The following EFCAB6 variants were observed in gnomAD, a reference collection of about 807,000 sequenced individuals.
EFCAB6 encodes the protein EF-hand calcium-binding domain-containing protein 6.
A neutral mutation model predicts 169.8 loss-of-function variants in EFCAB6; 156 were observed. That is an observed-to-expected ratio of 0.92 (90% CI 0.81 to 1.05). The LOEUF is 1.05. Among genes scored for constraint, EFCAB6 ranks in the 50% least tolerant of loss-of-function variants. The pLI is 0.00. For synonymous variants in EFCAB6, 698 were observed against 676.4 expected (o/e 1.03, Z -0.50); for missense variants, 1,800 against 1,829.1 (o/e 0.98, Z 0.29).
chr22:43,771,943 T>G (rs1377443406), intron 4 of EFCAB6, among the ~76,000 whole-genome samples: 2 of 152,240 alleles, frequency 1.3e-5, no homozygotes, highest in African/African-American at 4.8e-5. Context: ...GATGCAGGCA[T>G]CCAAGCTTTC....
At chr22:43,574,550 T>A (rs1420185506) in intron 26 of EFCAB6, among the ~76,000 whole-genome samples, 1 of 152,058 alleles carries the variant, frequency 6.6e-6, no homozygotes, top group Admixed American at 6.5e-5. Context: ...ATCATCCCCA[T>A]CATCGTGGGG....
At chr22:43,695,346 A>C (rs964332049) in intron 10 of EFCAB6, among the ~76,000 whole-genome samples, 1 of 152,050 alleles carries the variant, frequency 6.6e-6, no homozygotes, top group Non-Finnish European at 1.5e-5. Context: ...TAGGAAAATT[A>C]AAGACAATTA....
chr22:43,600,601 T>C (rs1269878345), intron 22 of EFCAB6, among the ~76,000 whole-genome samples: 3 of 152,072 alleles, frequency 2.0e-5, no homozygotes, highest in Non-Finnish European at 2.9e-5. Context: ...AGAAACACAG[T>C]TGTGACTACA....
At chr22:43,784,609 ATG>A (rs375508858) in intron 2 of EFCAB6, among the ~76,000 whole-genome samples, 14,356 of 97,024 alleles carry the variant, frequency 0.15, 2,403 homozygotes, top group South Asian at 0.2. Context: ...ACACATATAT[ATG>A]TGTATATATA....
At chr22:43,675,322 CTATAATATATAATATAATATACTAT>C (rs2057683211) in intron 13 of EFCAB6, among the ~76,000 whole-genome samples, 2 of 33,748 alleles carry the variant, frequency 5.9e-5, no homozygotes, top group Non-Finnish European at 1.4e-4. Context: ...GTATATTATA[CTATAATATATAATATAATATACTAT>C]ATTATACTAT....
intron 17 of EFCAB6, among the ~76,000 whole-genome samples, chr22:43,666,828 G>C (rs2057283158): frequency 1.3e-5 from 2 of 151,100 alleles, no homozygotes; most frequent in Non-Finnish European, 1.5e-5. Context: ...ACAGTGCCAG[G>C]TATGCAGCAG....
In EFCAB6 at chr22:43,608,586, G is replaced by A. The variant is rs769807319; in HGVS notation, c.2577C>T (p.Thr859=). 5.6e-6 allele frequency: 9 copies of A among 1,613,860 alleles called. No individual in the cohort carries two copies. Among genetic ancestry groups the A allele is most frequent in the East Asian group, 4.5e-5 (2 of 44,890 alleles). Residue 859 remains threonine (T), a synonymous_variant, in exon 22 of 32, where the codon ACC becomes ACT. Coordinates refer to ENST00000262726, the MANE Select transcript of EFCAB6 (RefSeq NM_022785.4). ...WSDLSKNFLE[T]DNEGNGILRR... ...GAAGAATGCCATTGCCCTCATTATC[G>A]GTTTCTAGAAAATTCTACAACATCA...
chr22:43,632,456 C>T (rs1010425940), intron 18 of EFCAB6, among the ~76,000 whole-genome samples: 7 of 151,822 alleles, frequency 4.6e-5, no homozygotes, highest in Admixed American at 1.3e-4. Flanking sequence ...TCTGCCATCA[C>T]GCCTGGCTAA....
At chr22:43,692,334 G>C (rs957204426) in intron 10 of EFCAB6, among the ~76,000 whole-genome samples, 2 of 152,010 alleles carry the variant, frequency 1.3e-5, no homozygotes, top group African/African-American at 4.8e-5. Context: ...CAAATGTCCA[G>C]AATATATTAC....
intron 17 of EFCAB6, among the ~76,000 whole-genome samples, chr22:43,652,752 T>C (rs115796851): frequency 1.5e-3 from 219 of 144,742 alleles, no homozygotes; most frequent in African/African-American, 5.6e-3. Flanking sequence ...TAACCCAATA[T>C]CCAGAAAGAA....
rs1260744920 is a variant in EFCAB6 at position 43,675,467 on chromosome 22, T to TATAATAC, written c.1419+2528_1419+2529insGTATTAT. Among the ~76,000 whole-genome samples the TATAATAC allele has an allele frequency of 4.6e-3, 628 of 137,540 alleles. 10 individuals carry two copies. Among genetic ancestry groups the TATAATAC allele is most frequent in the African/African-American group, 0.017 (596 of 35,808 alleles). 90.2% of individuals were successfully genotyped at this position (137,540 alleles called of 152,430 possible). ...ATATAGTATAATATATGATATAATA[T>TATAATAC]ATAATATAATATGTAATATTATATA... is the stretch of plus-strand genomic sequence containing the variant. On this transcript the variant is annotated intron_variant, in intron 13 of 31. Coordinates refer to ENST00000262726, the MANE Select transcript of EFCAB6 (RefSeq NM_022785.4).
intron 20 of EFCAB6, among the ~76,000 whole-genome samples, chr22:43,620,846 T>C (rs1307569237): frequency 1.3e-5 from 2 of 152,092 alleles, no homozygotes; most frequent in African/African-American, 4.8e-5. Flanking sequence ...ATGAAGAATA[T>C]AGAAGGCCTG....
intron 3 of EFCAB6, among the ~76,000 whole-genome samples, chr22:43,780,924 G>A (rs1485227717): frequency 6.6e-6 from 1 of 152,154 alleles, no homozygotes; most frequent in Non-Finnish European, 1.5e-5. Context: ...ACAGTGGCCC[G>A]CTGATTCCTC....
intron 2 of EFCAB6, among the ~76,000 whole-genome samples, chr22:43,790,868 T>C (rs1043083199): frequency 4.6e-5 from 7 of 152,220 alleles, no homozygotes; most frequent in Admixed American, 4.6e-4. Context: ...TCCAGCCACA[T>C]TCTGAAGGAG....
At chr22:43,776,970 G>C (rs1255186685) in intron 3 of EFCAB6, among the ~76,000 whole-genome samples, 2 of 152,188 alleles carry the variant, frequency 1.3e-5, no homozygotes, top group African/African-American at 4.8e-5. Context: ...AGAGGAGGCT[G>C]CTTCAAGGTC....
intron 8 of EFCAB6, among the ~76,000 whole-genome samples, chr22:43,728,219 A>G (rs1230036095): frequency 6.6e-6 from 1 of 152,120 alleles, no homozygotes; most frequent in East Asian, 1.9e-4. Context: ...AACTTCATCC[A>G]TGTACCAGCA....
At position 43,795,829 on chromosome 22, in the gene EFCAB6, C is replaced by T. The variant is rs1169569932; in HGVS notation, c.-8+13166G>A. Among the ~76,000 whole-genome samples, 1 of 151,586 alleles carries T rather than the reference C, an allele frequency of 6.6e-6. No individual in the cohort carries two copies. The highest frequency in any genetic ancestry group is 2.4e-5 in the African/African-American group (1 of 41,208). ...CAGCACTCGCCTCCCAACACACACA[C>T]ACACACACACACTACACACTCACCA... On this transcript the variant is annotated intron_variant, in intron 2 of 31. Coordinates refer to ENST00000262726, the MANE Select transcript of EFCAB6 (RefSeq NM_022785.4). The surrounding 1 kb of genome is among the most constrained non-coding windows in gnomAD (Gnocchi z 4.2).
At chr22:43,591,852 C>CT (rs1181797635) in intron 23 of EFCAB6, among the ~76,000 whole-genome samples, 3 of 152,298 alleles carry the variant, frequency 2.0e-5, no homozygotes, top group Admixed American at 1.3e-4. Flanking sequence ...GTGTAGAAAT[C>CT]TTTAAGAAGA....
intron 17 of EFCAB6, among the ~76,000 whole-genome samples, chr22:43,647,174 C>T (rs1458866009): frequency 1.2e-5 from 1 of 86,188 alleles, no homozygotes; most frequent in East Asian, 3.7e-4. Flanking sequence ...GTAAGAAAGT[C>T]TAGGAGACTG....
Sources: gnomAD v4.1 joint callset for allele counts (sites outside exome capture counted in the v4.1 genomes callset) on GRCh38, gnomAD v4.1.1 for gene constraint, Gnocchi (gnomAD v3.1) non-coding constraint, MANE v1.5 for transcripts, NCBI Gene and HGNC (gene_info 2026-07-23, HGNC 2026-07-21) for gene names.